Variants in HECW1 observed in about 807,000 individuals in gnomAD.
The protein encoded by HECW1 is E3 ubiquitin-protein ligase HECW1.
HECW1 carries 61 observed loss-of-function variants against 182.3 expected under a neutral mutation model. The ratio of observed to expected loss-of-function variants is 0.33; its 90% CI spans 0.27 to 0.41. The LOEUF (loss-of-function observed/expected upper bound fraction) is 0.41. Ranked by LOEUF, HECW1 falls within the 10% of genes least tolerant of loss-of-function variation. The pLI is 1.00. For synonymous variants in HECW1, 859 were observed against 832.6 expected (o/e 1.03, Z -0.55); for missense variants, 1,739 against 2,108.9 (o/e 0.82, Z 3.44).
In HECW1 at chr7:43,447,349, T is replaced by C. The variant is rs2077090131; in HGVS notation, c.2398+1779T>C. 1.3e-5 allele frequency among the ~76,000 whole-genome samples: 2 copies of C among 152,188 alleles called. 1 individual carries two copies. Among genetic ancestry groups the C allele is most frequent in the South Asian group, 4.1e-4 (2 of 4,822 alleles). ...TTTTACAAACAAAAAAGTCACATCC[T>C]TGCCCTTTAGAGGCCAACAGTCTAG... On this transcript the variant is annotated intron_variant, in intron 11 of 29. Coordinates refer to ENST00000395891, the MANE Select transcript of HECW1 (RefSeq NM_015052.5).
intron 3 of HECW1, among the ~76,000 whole-genome samples, chr7:43,306,378 A>ATT (rs58260043): frequency 6.8e-6 from 1 of 146,400 alleles, no homozygotes; most frequent in Non-Finnish European, 1.5e-5. Flanking sequence ...ATAAGCTTTG[A>ATT]TTTTTTTTTT....
intron 5 of HECW1, among the ~76,000 whole-genome samples, chr7:43,335,948 TTCTC>T (rs1324407161): frequency 2.7e-5 from 4 of 148,438 alleles, no homozygotes; most frequent in Admixed American, 2.0e-4. Context: ...CTTTCTTTCT[TTCTC>T]TCTCCTTCCT....
chr7:43,504,492 C>T (rs957520238), intron 21 of HECW1, among the ~76,000 whole-genome samples: 4 of 152,184 alleles, frequency 2.6e-5, no homozygotes, highest in African/African-American at 9.7e-5. Flanking sequence ...TGCCAATGCC[C>T]TGAACTCCCC....
At chr7:43,412,868 G>C (rs1283828760) in intron 8 of HECW1, among the ~76,000 whole-genome samples, 4 of 149,282 alleles carry the variant, frequency 2.7e-5, no homozygotes, top group Admixed American at 2.7e-4. Flanking sequence ...GGACATTTGG[G>C]TTGGTTCCAA....
At chr7:43,267,085 T>A (rs1231402437) in intron 3 of HECW1, among the ~76,000 whole-genome samples, 1 of 152,140 alleles carries the variant, frequency 6.6e-6, no homozygotes, top group African/African-American at 2.4e-5. Context: ...TTCATTATTT[T>A]GCACATAAAA....
chr7:43,158,559 G>A (rs59385107), intron 2 of HECW1, among the ~76,000 whole-genome samples: 8,461 of 152,124 alleles, frequency 0.056, 772 homozygotes, highest in African/African-American at 0.19. Flanking sequence ...GCTGGGTACC[G>A]CTTTTTAAAA....
chr7:43,488,430 GAAAGAGAAAGAAAGAAAGAAAGAA>G (rs2078767885), intron 17 of HECW1, among the ~76,000 whole-genome samples: 5 of 86,600 alleles, frequency 5.8e-5, no homozygotes, highest in Admixed American at 1.3e-4. Flanking sequence ...GAGAAAGAAA[GAAAGAGAAAGAAAGAAAGAAAGAA>G]AGAAAGAAAG....
chr7:43,207,014 G>T (rs1422834799), intron 2 of HECW1, among the ~76,000 whole-genome samples: 1 of 152,074 alleles, frequency 6.6e-6, no homozygotes, highest in African/African-American at 2.4e-5. Context: ...TTGTAAGAAG[G>T]TGCTTTTGCC....
In HECW1 at chr7:43,561,893, A is replaced by T. The variant is rs574834448; in HGVS notation, c.4788A>T (p.Ala1596=). The T allele has an allele frequency of 9.3e-6, 15 of 1,613,432 alleles. No individual in the cohort carries two copies. The highest frequency in any genetic ancestry group is 1.3e-5 in the Non-Finnish European group (15 of 1,179,418). ...TGTTGTATGAAAAGCTGTTAACAGC[A>T]GTAGAGGAAACCAGCACCTTTGGAC... ...YSMLYEKLLT[A]VEETSTFGLE is the part of the protein sequence containing the mutation. Residue 1596 remains alanine, a synonymous_variant, in exon 30 of 30, where the codon GCA becomes GCT. Transcript: ENST00000395891.
rs1814410724 is a variant in HECW1 at position 43,351,317 on chromosome 7, A to G, written c.461-9569A>G. Among the ~76,000 whole-genome samples, 4 of 152,162 alleles carry G rather than the reference A, an allele frequency of 2.6e-5. No individual in the cohort carries two copies. In the South Asian group the frequency reaches 8.3e-4, roughly 32 times the overall value. On this transcript the variant is annotated intron_variant, in intron 5 of 29. Coordinates refer to ENST00000395891, the MANE Select transcript of HECW1 (RefSeq NM_015052.5). ...AGGGGTCCTTGGCTTTGGTTGTTCA[A>G]TGCTCTATTTTTGTACTGGTTGGCC...
At chr7:43,302,282 G>T (rs1011987848) in intron 3 of HECW1, among the ~76,000 whole-genome samples, 1 of 152,180 alleles carries the variant, frequency 6.6e-6, no homozygotes, top group South Asian at 2.1e-4. Context: ...CTAACTGGCC[G>T]CAGGGAGTCT....
Position 43,554,704 on chromosome 7 carries a change from C to G in HECW1, c.4623C>G (p.Pro1541=). 2 of 1,614,152 alleles carry G rather than the reference C, an allele frequency of 1.2e-6. No individual in the cohort carries two copies. Among genetic ancestry groups the G allele is most frequent in the Non-Finnish European group, 1.7e-6 (2 of 1,180,014 alleles). The change falls in exon 29 of 30, where the codon CCC becomes CCG. Residue 1541 remains proline, a synonymous_variant. Transcript: ENST00000395891. The part of the protein sequence containing the change: ...LQFVTGTSSV[P]YEGFAALRGS... ...TTGTCACGGGAACATCCAGCGTGCC[C>G]TACGAAGGCTTCGCAGCCCTCCGTG...
At chr7:43,399,105 T>A (rs186282903) in intron 7 of HECW1, among the ~76,000 whole-genome samples, 5 of 152,348 alleles carry the variant, frequency 3.3e-5, no homozygotes, top group African/African-American at 1.2e-4. Flanking sequence ...TCCTAAATCA[T>A]AATTTATAAT....
chr7:43,459,003 C>T (rs1036652578), intron 13 of HECW1, among the ~76,000 whole-genome samples: 1 of 152,152 alleles, frequency 6.6e-6, no homozygotes, highest in African/African-American at 2.4e-5. Context: ...GACCATGTTC[C>T]AACTCAGCCA....
intron 24 of HECW1, among the ~76,000 whole-genome samples, chr7:43,528,385 T>C (rs2080847077): frequency 6.6e-6 from 1 of 152,162 alleles, no homozygotes; most frequent in South Asian, 2.1e-4. Context: ...TGGATCTTTG[T>C]TCCTTAACTC....
chr7:43,443,970 A>G (rs1424394899), intron 10 of HECW1, among the ~76,000 whole-genome samples: 1 of 152,238 alleles, frequency 6.6e-6, no homozygotes. Flanking sequence ...TTTAACCAAA[A>G]GATGAATTCC....
chr7:43,423,764 T>G (rs925538013), intron 8 of HECW1, among the ~76,000 whole-genome samples: 2 of 152,110 alleles, frequency 1.3e-5, no homozygotes, highest in African/African-American at 4.8e-5. Context: ...CGAGGGAGTA[T>G]TTACACCAAG....
At chr7:43,558,507 C>T (rs534697720) in intron 29 of HECW1, among the ~76,000 whole-genome samples, 14 of 152,228 alleles carry the variant, frequency 9.2e-5, no homozygotes, top group East Asian at 3.9e-4. Flanking sequence ...CCTCTTCCCC[C>T]GCAAGAGGCA....
intron 24 of HECW1, chr7:43,509,713 C>A (rs1215037359): frequency 1.3e-5 from 2 of 152,276 alleles, no homozygotes; most frequent in Non-Finnish European, 1.5e-5. Context: ...TATTAGAGGT[C>A]TCCAGAAAGC....
Sources: allele counts gnomAD v4.1 joint callset (sites outside exome capture counted in the v4.1 genomes callset), GRCh38; gene constraint gnomAD v4.1.1; transcripts MANE v1.5; gene names NCBI Gene and HGNC (gene_info 2026-07-23, HGNC 2026-07-21).